Variants in CSMD1 observed in about 807,000 individuals in gnomAD.
CSMD1 encodes the protein CUB and sushi domain-containing protein 1.
Under a neutral mutation model 417.5 loss-of-function variants are expected in CSMD1, and 213 were observed. That is an observed-to-expected ratio of 0.51 (90% CI 0.46 to 0.57). The LOEUF (loss-of-function observed/expected upper bound fraction) is 0.57, where lower values mean the gene tolerates loss of function less well. Among genes scored for constraint, CSMD1 ranks in the 20% least tolerant of loss-of-function variants. The probability of loss-of-function intolerance (pLI) is 0.00; values close to 1 mark genes in which losing one functional copy is unlikely to be tolerated. For synonymous variants in CSMD1, 2,862 were observed against 1,736.8 expected, an observed-to-expected ratio of 1.65 and a Z score of -16.11; for missense variants, 6,923 against 4,529.7, an observed-to-expected ratio of 1.53 and a Z score of -15.17.
At chr8:3,616,050 T>A (rs767709622) in intron 8 of CSMD1, among the ~76,000 whole-genome samples, 1 of 152,220 alleles carries the variant, frequency 6.6e-6, no homozygotes, top group East Asian at 1.9e-4. Context: ...CTAACATGCA[T>A]CATTCCTAAA....
At chr8:3,030,155 TGAC>T (rs1810248815) in intron 50 of CSMD1, among the ~76,000 whole-genome samples, 1 of 152,080 alleles carries the variant, frequency 6.6e-6, no homozygotes, top group African/African-American at 2.4e-5. Flanking sequence ...ATTGTAATAG[TGAC>T]AGCAACAGTA....
At chr8:3,775,804 T>C (rs1382452092) in intron 5 of CSMD1, among the ~76,000 whole-genome samples, 1 of 152,228 alleles carries the variant, frequency 6.6e-6, no homozygotes, top group African/African-American at 2.4e-5. Context: ...GGTGCTGATG[T>C]CATCATGGGG....
At chr8:3,706,910 C>T (rs1334656958) in intron 7 of CSMD1, among the ~76,000 whole-genome samples, 1 of 152,090 alleles carries the variant, frequency 6.6e-6, no homozygotes, top group Non-Finnish European at 1.5e-5. Flanking sequence ...TCAGTTTTCC[C>T]ATCCTTTTCC....
intron 12 of CSMD1, among the ~76,000 whole-genome samples, chr8:3,418,307 C>G (rs980801713): frequency 6.6e-6 from 1 of 152,100 alleles, no homozygotes; most frequent in Non-Finnish European, 1.5e-5. Flanking sequence ...TCTCGCTTGT[C>G]TCATGGAGAC....
At chr8:4,135,224 C>T (rs1803346947) in intron 3 of CSMD1, among the ~76,000 whole-genome samples, 1 of 151,936 alleles carries the variant, frequency 6.6e-6, no homozygotes, top group African/African-American at 2.4e-5. Flanking sequence ...GAGAATTAAG[C>T]TGTCCCATGG....
intron 4 of CSMD1, among the ~76,000 whole-genome samples, chr8:3,998,714 A>G (rs1250772825): frequency 6.6e-6 from 1 of 152,148 alleles, no homozygotes; most frequent in Non-Finnish European, 1.5e-5. Flanking sequence ...AAGGCCAGTA[A>G]AGATAAAAGT....
intron 25 of CSMD1, among the ~76,000 whole-genome samples, chr8:3,286,090 C>T (rs1460102748): frequency 6.6e-6 from 1 of 151,972 alleles, no homozygotes; most frequent in Non-Finnish European, 1.5e-5. Context: ...GGTTTTTTGT[C>T]CTTGAGATAG....
intron 6 of CSMD1, among the ~76,000 whole-genome samples, chr8:3,742,494 A>T (rs1188412845): frequency 1.3e-5 from 2 of 152,222 alleles, no homozygotes; most frequent in Non-Finnish European, 2.9e-5. Context: ...ATTTTTAAAA[A>T]CATTTCTGAT....
At chr8:4,708,703 A>G (rs949438536) in intron 1 of CSMD1, among the ~76,000 whole-genome samples, 1 of 152,046 alleles carries the variant, frequency 6.6e-6, no homozygotes, top group Non-Finnish European at 1.5e-5. Flanking sequence ...AGATTTCCCA[A>G]CTGTGGCGGT....
intron 3 of CSMD1, among the ~76,000 whole-genome samples, chr8:4,177,939 T>C (rs1284058241): frequency 1.3e-5 from 2 of 152,030 alleles, no homozygotes; most frequent in Non-Finnish European, 1.5e-5. Flanking sequence ...CAACAATCAA[T>C]AGCTTATCAA....
intron 51 of CSMD1, among the ~76,000 whole-genome samples, chr8:3,023,298 A>G (rs1809594649): frequency 6.6e-6 from 1 of 152,176 alleles, no homozygotes. Context: ...TAGCTCACTG[A>G]GTCAGTGTGT....
At chr8:4,346,540 C>T (rs559203967) in intron 3 of CSMD1, among the ~76,000 whole-genome samples, 2 of 152,092 alleles carry the variant, frequency 1.3e-5, no homozygotes, top group Non-Finnish European at 2.9e-5. Context: ...TTACAGAAAA[C>T]TTTCAGTCTT....
chr8:3,626,033 C>T (rs1021636367), intron 7 of CSMD1, among the ~76,000 whole-genome samples: 1 of 152,062 alleles, frequency 6.6e-6, no homozygotes, highest in Non-Finnish European at 1.5e-5. Context: ...TGTAAATGAC[C>T]TTAACAAAAT....
intron 50 of CSMD1, among the ~76,000 whole-genome samples, chr8:3,046,906 G>A (rs1479933962): frequency 6.6e-6 from 1 of 152,152 alleles, no homozygotes; most frequent in African/African-American, 2.4e-5. Flanking sequence ...TTAGATAAAT[G>A]TCTAGAGTGA....
chr8:4,838,742 A>C (rs907942817), intron 1 of CSMD1, among the ~76,000 whole-genome samples: 2 of 152,156 alleles, frequency 1.3e-5, no homozygotes, highest in Admixed American at 1.3e-4. Flanking sequence ...CATCGGCTCA[A>C]ATGAAGACTA....
intron 3 of CSMD1, among the ~76,000 whole-genome samples, chr8:4,163,299 G>C (rs929808537): frequency 6.6e-6 from 1 of 152,132 alleles, no homozygotes; most frequent in Non-Finnish European, 1.5e-5. Flanking sequence ...AGTTTTCTAA[G>C]AAACCACCCA....
chr8:4,220,739 A>G (rs547744513), intron 3 of CSMD1, among the ~76,000 whole-genome samples: 1 of 152,336 alleles, frequency 6.6e-6, no homozygotes, highest in South Asian at 2.1e-4. Flanking sequence ...CTGGGATGAG[A>G]AAGACAGAGA....
intron 5 of CSMD1, among the ~76,000 whole-genome samples, chr8:3,854,935 A>G (rs891947441): frequency 7.2e-5 from 11 of 152,156 alleles, no homozygotes; most frequent in Non-Finnish European, 2.9e-5. Context: ...CAATGTTGAG[A>G]ACGTGATGCT....
chr8:4,395,915 C>G (rs921887922), intron 3 of CSMD1, among the ~76,000 whole-genome samples: 1 of 152,170 alleles, frequency 6.6e-6, no homozygotes, highest in African/African-American at 2.4e-5. Context: ...AATTGTAAGT[C>G]TGACAGTTTT....
Sources: allele counts gnomAD v4.1 joint callset (sites outside exome capture counted in the v4.1 genomes callset), GRCh38; gene constraint gnomAD v4.1.1; transcripts MANE v1.5; gene names NCBI Gene and HGNC (gene_info 2026-07-23, HGNC 2026-07-21).